CDC42BPA: variants seen among roughly 807,000 people sequenced by gnomAD.
The protein encoded by CDC42BPA is CDC42 binding protein kinase alpha, also known as serine/threonine-protein kinase MRCK alpha.
CDC42BPA carries 80 observed loss-of-function variants against 223.5 expected under a neutral mutation model. That is an observed-to-expected ratio of 0.36 (90% confidence interval 0.30 to 0.43). The LOEUF (loss-of-function observed/expected upper bound fraction) is 0.43. CDC42BPA is among the 20% of genes least tolerant of loss of function. The pLI, the probability that CDC42BPA is intolerant of heterozygous loss-of-function variation, is 1.00. For missense variants in CDC42BPA, 1,743 were observed against 2,099.9 expected (o/e 0.83, Z 3.32); for synonymous variants, 694 against 718.6 (o/e 0.97, Z 0.55).
intron 3 of CDC42BPA, 136 bp from the exon 4 acceptor site, chr1:227,199,788 C>T (rs1213702901): frequency 4.4e-6 from 2 of 457,784 alleles, no homozygotes; most frequent in East Asian, 3.5e-5. Flanking sequence ...TTCAATAACA[C>T]AAGTTTCAAA....
At chr1:227,275,616 CGGTCTCCCACTTTCCAT>C (rs1349844563) in intron 1 of CDC42BPA, among the ~76,000 whole-genome samples, 2 of 149,726 alleles carry the variant, frequency 1.3e-5, no homozygotes, top group Non-Finnish European at 3.0e-5. Context: ...CCCCTCCCCA[CGGTCTCCCACTTTCCAT>C]GGTCTCCCTC....
At chr1:227,168,214 C>T (rs991172900) in intron 5 of CDC42BPA, among the ~76,000 whole-genome samples, 1 of 152,150 alleles carries the variant, frequency 6.6e-6, no homozygotes, top group Non-Finnish European at 1.5e-5. Context: ...CATGAGCCAT[C>T]ACCCCTGGCT....
intron 1 of CDC42BPA, among the ~76,000 whole-genome samples, chr1:227,277,848 C>A (rs1687368511): frequency 6.6e-6 from 1 of 152,114 alleles, no homozygotes; most frequent in Non-Finnish European, 1.5e-5. Flanking sequence ...CTCCATGGTT[C>A]ACATCATTCT....
intron 3 of CDC42BPA, among the ~76,000 whole-genome samples, chr1:227,201,424 T>G (rs1381181283): frequency 6.6e-6 from 1 of 152,156 alleles, no homozygotes; most frequent in Non-Finnish European, 1.5e-5. Context: ...ACTACAGGCA[T>G]GAGCTACCAC....
chr1:227,091,859 C>A (rs1572751467), intron 16 of CDC42BPA, 27 bp downstream of exon 16: 2 of 1,230,328 alleles, frequency 1.6e-6, no homozygotes, highest in Admixed American at 1.9e-5. Context: ...ATGTACTACT[C>A]AATTAATATG....
At chr1:227,281,283 T>C (rs1035933226) in intron 1 of CDC42BPA, among the ~76,000 whole-genome samples, 3 of 152,146 alleles carry the variant, frequency 2.0e-5, no homozygotes, top group African/African-American at 7.2e-5. Context: ...CCAGGTGGGG[T>C]GTGAGTAGGT....
chr1:227,270,219 G>A (rs891355538), intron 1 of CDC42BPA, among the ~76,000 whole-genome samples: 7 of 152,160 alleles, frequency 4.6e-5, no homozygotes, highest in African/African-American at 1.7e-4. Context: ...TGCTGTGTAT[G>A]TAAATTAATG....
At chr1:227,192,725 ATGC>A (rs1454239530) in intron 5 of CDC42BPA, among the ~76,000 whole-genome samples, 1 of 152,126 alleles carries the variant, frequency 6.6e-6, no homozygotes, top group Non-Finnish European at 1.5e-5. Flanking sequence ...TTCCAAATTC[ATGC>A]TGGTATTTTT....
intron 30 of CDC42BPA, among the ~76,000 whole-genome samples, chr1:227,027,384 C>T (rs577327186): frequency 1.3e-5 from 2 of 152,250 alleles, no homozygotes; most frequent in South Asian, 4.1e-4. Context: ...ACCCATCACT[C>T]CTCCTCCTAC....
At chr1:227,224,323 T>C (rs186811552) in intron 2 of CDC42BPA, among the ~76,000 whole-genome samples, 140 of 151,838 alleles carry the variant, frequency 9.2e-4, no homozygotes, top group African/African-American at 3.3e-3. Context: ...AACCTCTGCC[T>C]CTCAGGTTCA....
chr1:227,089,728 G>T lies in CDC42BPA; in HGVS notation c.2355+2158C>A, dbSNP rs534680440. The stretch of plus-strand genomic sequence containing the variant: ...AGGCCTAAGTATGTCCATTTCTCAT[G>T]GATGTATTAGACTGCAACACAATTT... On this transcript the variant is annotated intron_variant, in intron 16 of 36. Coordinates refer to ENST00000366766, the MANE Select transcript of CDC42BPA (RefSeq NM_001394014.1). Among the ~76,000 whole-genome samples, 20 of 148,846 alleles carry T rather than the reference G, an allele frequency of 1.3e-4. No homozygotes were observed. In the South Asian group the frequency reaches 4.2e-3, roughly 31 times the overall value.
At chr1:227,312,220 A>G in intron 1 of CDC42BPA, among the ~76,000 whole-genome samples, 1 of 152,228 alleles carries the variant, frequency 6.6e-6, no homozygotes, top group Non-Finnish European at 1.5e-5. Flanking sequence ...CAGCAGGAGA[A>G]AAACAATGAG....
At chr1:227,071,907 A>T (rs1678458729) in intron 20 of CDC42BPA, among the ~76,000 whole-genome samples, 1 of 151,874 alleles carries the variant, frequency 6.6e-6, no homozygotes, top group Non-Finnish European at 1.5e-5. Flanking sequence ...CAAAAATGTT[A>T]TTCATGAAGT....
chr1:227,097,520 T>A (rs541081674), intron 15 of CDC42BPA, among the ~76,000 whole-genome samples: 51 of 152,256 alleles, frequency 3.3e-4, no homozygotes, highest in Non-Finnish European at 6.3e-4. Context: ...CAGGTGATGA[T>A]CAGGTGGTTG....
intron 15 of CDC42BPA, among the ~76,000 whole-genome samples, chr1:227,100,777 T>TGTGTGTGTGTGTGTGTGTGTGTGTGCGC (rs777124731): frequency 1.2e-4 from 16 of 128,502 alleles, no homozygotes; most frequent in African/African-American, 4.3e-4. Context: ...TGTGTGTGTG[T>TGTGTGTGTGTGTGTGTGTGTGTGTGCGC]GCGTGTGCCA....
At chr1:227,313,438 A>G (rs2148834703) in intron 1 of CDC42BPA, among the ~76,000 whole-genome samples, 1 of 152,322 alleles carries the variant, frequency 6.6e-6, no homozygotes, top group East Asian at 1.9e-4. Flanking sequence ...CATCTATTGA[A>G]CACACTTCTA....
intron 1 of CDC42BPA, among the ~76,000 whole-genome samples, chr1:227,315,288 CAT>C: frequency 6.6e-6 from 1 of 151,942 alleles, no homozygotes; most frequent in African/African-American, 2.4e-5. Flanking sequence ...TCCAAGAAAA[CAT>C]ATTTAATGGA....
At chr1:227,034,947 T>C (rs1669961076) in intron 25 of CDC42BPA, among the ~76,000 whole-genome samples, 153 bp from the exon 26 acceptor site, 4 of 152,220 alleles carry the variant, frequency 2.6e-5, no homozygotes, top group Admixed American at 2.6e-4. Context: ...ATGAGACACA[T>C]ATCATTAAGC....
At chr1:227,174,558 T>C (rs967579426) in intron 5 of CDC42BPA, among the ~76,000 whole-genome samples, 1 of 152,124 alleles carries the variant, frequency 6.6e-6, no homozygotes, top group Non-Finnish European at 1.5e-5. Flanking sequence ...TCTATTAAAA[T>C]AGGATTGCTC....
Sources: gnomAD v4.1 joint callset for allele counts (sites outside exome capture counted in the v4.1 genomes callset) on GRCh38, gnomAD v4.1.1 for gene constraint, MANE v1.5 for transcripts, NCBI Gene and HGNC (gene_info 2026-07-23, HGNC 2026-07-21) for gene names.